Variants in REXO5 observed in about 807,000 individuals in gnomAD.
The protein encoded by REXO5 is exonuclease NEF-sp.
REXO5 carries 48 observed loss-of-function variants against 88.5 expected under a neutral mutation model. The ratio of observed to expected loss-of-function variants is 0.54; its 90% CI spans 0.43 to 0.69. The LOEUF is 0.69. Among genes scored for constraint, REXO5 ranks in the 30% least tolerant of loss-of-function variants. REXO5 has a pLI of 0.00. For synonymous variants in REXO5, 311 were observed against 336.5 expected (o/e 0.92, Z 0.83); for missense variants, 749 against 912.2 (o/e 0.82, Z 2.30).
Position 20,849,601 on chromosome 16 carries a change from A to AAAAG in REXO5, c.*123_*126dup. 1.2e-6 allele frequency: 1 copy of AAAAG among 805,970 alleles called. No homozygotes were observed. 49.9% of individuals were successfully genotyped at this position (805,970 alleles called of 1,614,324 possible). ...TTTATGGAAACTTGGTATAGCAGCTAAAAGAGTTTAGTTTGTTTATATGGC... is the reference window on the plus strand; with the variant it reads ...TTTATGGAAACTTGGTATAGCAGCTAAAAGAAAGAGTTTAGTTTGTTTATATGGC... On this transcript the variant is annotated 3_prime_UTR_variant, in exon 20 of 20. Transcript: ENST00000261377.
rs561939328 is a variant in REXO5 at position 20,809,423 on chromosome 16, T to C, written c.138+2332T>C. On this transcript the variant is annotated intron_variant, in intron 2 of 19. Coordinates refer to ENST00000261377, the MANE Select transcript of REXO5 (RefSeq NM_030941.3). ...AATAAGATCCAGTCTAGAATTGTGT[T>C]AAATTTAATTGTCATGTCTCCATCA... Among the ~76,000 whole-genome samples the C allele has an allele frequency of 3.3e-5, 5 of 152,374 alleles. No homozygotes were observed. In the South Asian group the frequency reaches 1.0e-3, roughly 32 times the overall value.
rs773051407 is a variant in REXO5, at chr16:20,845,191, C to T, written c.2074C>T (p.Leu692Phe). The T allele has an allele frequency of 3.1e-6, 5 of 1,613,956 alleles. No homozygotes were observed. The highest frequency in any genetic ancestry group is 1.7e-4 in the Middle Eastern group (1 of 6,022). The change falls in exon 18 of 20, where the codon CTC becomes TTC. Residue 692 changes from leucine (L) to phenylalanine (F), a missense_variant. Transcript: ENST00000261377. ...AGGCTTACCACCTGAATCAACAAGGCTCCCAGGGCTTCGTGTTGTACCTCC... is the reference window on the plus strand; with the variant it reads ...AGGCTTACCACCTGAATCAACAAGGTTCCCAGGGCTTCGTGTTGTACCTCC... ...LRGLPPESTRLPGLRVVPPPF... is the reference protein window; with the variant it reads ...LRGLPPESTRFPGLRVVPPPF...
At chr16:20,848,008 T>G (rs1305764684) in intron 19 of REXO5, among the ~76,000 whole-genome samples, 3 of 152,216 alleles carry the variant, frequency 2.0e-5, no homozygotes, top group Non-Finnish European at 4.4e-5. Flanking sequence ...GTCCTAAGTT[T>G]GACAAGTCAG....
intron 5 of REXO5, among the ~76,000 whole-genome samples, chr16:20,819,756 CAAA>C (rs34436271): frequency 7.2e-6 from 1 of 139,238 alleles, no homozygotes. Context: ...ACTCCGTCTC[CAAA>C]AAAAAAAAAA....
At chr16:20,830,438 C>T (rs2081324727) in intron 11 of REXO5, among the ~76,000 whole-genome samples, 1 of 151,914 alleles carries the variant, frequency 6.6e-6, no homozygotes, top group South Asian at 2.1e-4. Context: ...TCAGGTGATC[C>T]ACCCATCTCA....
intron 19 of REXO5, among the ~76,000 whole-genome samples, chr16:20,848,488 A>T (rs969109377): frequency 2.6e-5 from 4 of 152,224 alleles, no homozygotes; most frequent in Admixed American, 2.0e-4. Flanking sequence ...ATAGCTAGTA[A>T]GTGCATAGTC....
At chr16:20,838,781 C>G (rs889478366) in intron 13 of REXO5, among the ~76,000 whole-genome samples, 41 of 152,168 alleles carry the variant, frequency 2.7e-4, no homozygotes, top group African/African-American at 8.9e-4. Context: ...GTCCCTCAGA[C>G]AGCCCCCACA....
rs1373946216 is a variant in REXO5, at chr16:20,839,754, G to A, written c.1384-1G>A. On this transcript the variant is annotated splice_acceptor_variant, in intron 13 of 19. Transcript: ENST00000261377. LOFTEE classifies it high-confidence loss of function. ...TATCCAGGCTGTGCTGTTCTCTACAGGTTCTTGAGCAGGCCAGAGTGGAAA... is the reference window on the plus strand; with the variant it reads ...TATCCAGGCTGTGCTGTTCTCTACAAGTTCTTGAGCAGGCCAGAGTGGAAA... The A allele has an allele frequency of 1.8e-5, 29 of 1,611,538 alleles. No individual in the cohort carries two copies. The highest frequency in any genetic ancestry group is 2.5e-5 in the Non-Finnish European group (29 of 1,178,092).
At chr16:20,820,884 T>C (rs868571854) in intron 5 of REXO5, among the ~76,000 whole-genome samples, 2 of 151,956 alleles carry the variant, frequency 1.3e-5, no homozygotes, top group Non-Finnish European at 1.5e-5. Context: ...TATTTTTTAG[T>C]GAAAATCCTT....
chr16:20,816,049 T>G (rs1405203744), intron 4 of REXO5, 67 bp from the exon 5 acceptor site: 2 of 1,273,988 alleles, frequency 1.6e-6, no homozygotes, highest in African/African-American at 2.9e-5. Context: ...ACAATAAAAG[T>G]CCAGGCCTTT....
intron 7 of REXO5, 37 bp downstream of exon 7, chr16:20,824,564 C>A: frequency 8.1e-7 from 1 of 1,230,920 alleles, no homozygotes; most frequent in Non-Finnish European, 1.2e-6. Context: ...TGGAGTGTTG[C>A]AAGCTGAGGT....
intron 19 of REXO5, among the ~76,000 whole-genome samples, chr16:20,847,872 T>A (rs565427463): frequency 6.6e-6 from 1 of 152,184 alleles, no homozygotes; most frequent in Non-Finnish European, 1.5e-5. Context: ...CCACCATTGT[T>A]TAGGTAAACT....
At chr16:20,828,796 G>A (rs1175146529) in intron 11 of REXO5, among the ~76,000 whole-genome samples, 18 of 151,886 alleles carry the variant, frequency 1.2e-4, no homozygotes, top group African/African-American at 3.9e-4. Context: ...GTGTGGTGGC[G>A]CGTGCCTGTA....
chr16:20,832,906 C>T, intron 12 of REXO5, 97 bp from the exon 13 acceptor site: 1 of 1,083,150 alleles, frequency 9.2e-7, no homozygotes, highest in Non-Finnish European at 1.3e-6. Context: ...CTATATATTG[C>T]TAGTGGCTAC....
intron 19 of REXO5, among the ~76,000 whole-genome samples, chr16:20,848,118 G>T (rs543389882): frequency 7.2e-5 from 11 of 152,280 alleles, no homozygotes; most frequent in African/African-American, 2.6e-4. Context: ...TAGACATATT[G>T]ATCAAACTCA....
chr16:20,827,097 G>A lies in REXO5; in HGVS notation c.861G>A (p.Thr287=), dbSNP rs139338154. ...CGAAGAAGATTCTTAACCCAGTGAC[G>A]ACCAAACTCAAAGATGTACAGAGGC... ...GITKKILNPV[T]TKLKDVQRQL... The change falls in exon 9 of 20, where the codon ACG becomes ACA. Residue 287 remains threonine (T), a synonymous_variant. Transcript: ENST00000261377. The A allele has an allele frequency of 1.4e-5, 23 of 1,613,818 alleles. No homozygotes were observed. In the African/African-American group the frequency reaches 1.9e-4, roughly 13 times the overall value.
At chr16:20,832,337 T>C (rs1371926263) in intron 12 of REXO5, 78 bp downstream of exon 12, 2 of 894,148 alleles carry the variant, frequency 2.2e-6, no homozygotes, top group African/African-American at 1.7e-5. Flanking sequence ...TGAGAATGTT[T>C]TTATCCTCTT....
At position 20,815,044 on chromosome 16, in the gene REXO5, A is replaced by T. The variant is rs557876349; in HGVS notation, c.369A>T (p.Ala123=). ...FYLEFGCLRK[A]FRHKFRLPPP... ...TGGAGTTTGGATGTCTTCGAAAAGCATTCAGACATGTAAGTTAAGAATACT... is the reference window on the plus strand; with the variant it reads ...TGGAGTTTGGATGTCTTCGAAAAGCTTTCAGACATGTAAGTTAAGAATACT... Residue 123 remains alanine (A), a synonymous_variant, in exon 4 of 20, where the codon GCA becomes GCT. Transcript: ENST00000261377. 1 of 1,611,910 alleles carries T rather than the reference A, an allele frequency of 6.2e-7. No individual in the cohort carries two copies. Among genetic ancestry groups the T allele is most frequent in the Non-Finnish European group, 8.5e-7 (1 of 1,179,564 alleles).
intron 2 of REXO5, among the ~76,000 whole-genome samples, chr16:20,811,026 G>A (rs1454451830): frequency 6.6e-6 from 1 of 152,082 alleles, no homozygotes; most frequent in Non-Finnish European, 1.5e-5. Flanking sequence ...CTGATGTCAG[G>A]ACTCACTGCC....
Sources: gnomAD v4.1 joint callset for allele counts (sites outside exome capture counted in the v4.1 genomes callset) on GRCh38, gnomAD v4.1.1 for gene constraint, MANE v1.5 for transcripts, NCBI Gene and HGNC (gene_info 2026-07-23, HGNC 2026-07-21) for gene names.